PTPN13: variants seen among roughly 807,000 people sequenced by gnomAD.
The protein encoded by PTPN13 is tyrosine-protein phosphatase non-receptor type 13.
PTPN13 carries 191 observed loss-of-function variants against 284.0 expected under a neutral mutation model. The observed-to-expected ratio is 0.67, with a 90% CI of 0.60 to 0.76. PTPN13 has a LOEUF of 0.76. Ranked by LOEUF, PTPN13 falls within the 30% of genes least tolerant of loss-of-function variation. PTPN13 has a pLI of 0.00. For missense variants in PTPN13, 2,797 were observed against 2,939.9 expected (o/e 0.95, Z 1.12); for synonymous variants, 986 against 1,022.3 (o/e 0.96, Z 0.68).
chr4:86,763,165 G>A lies in PTPN13; in HGVS notation c.3992G>A (p.Ser1331Asn), dbSNP rs760649115. The A allele has an allele frequency of 6.2e-7, 1 of 1,611,918 alleles. No individual in the cohort carries two copies. The highest frequency in any genetic ancestry group is 2.2e-5 in the East Asian group (1 of 44,838). The change falls in exon 24 of 48, where the codon AGT (serine) becomes AAT (asparagine). Residue 1331 changes from serine to asparagine, a missense_variant. Coordinates refer to ENST00000411767, the MANE Select transcript of PTPN13 (RefSeq NM_080683.3). ...ATGGATGAAGCCACTTACTCCAGCA[G>A]TCAGGATCATCAAACACCAAAACAG... Reference protein sequence around the residue: ...SDMDEATYSSSQDHQTPKQES... With the variant: ...SDMDEATYSSNQDHQTPKQES...
chr4:86,695,836 G>T (rs1287327370), intron 6 of PTPN13, among the ~76,000 whole-genome samples: 3 of 151,916 alleles, frequency 2.0e-5, no homozygotes, highest in Non-Finnish European at 4.4e-5. Context: ...TTTAGTAACT[G>T]TAATGTTGTA....
Position 86,613,633 on chromosome 4 carries a change from C to CAAAAAAAAAAAAAAAAAAAAA in PTPN13, c.-6+18862_-6+18863insAAAAAAAAAAAAAAAAAAAAA, listed in dbSNP as rs544971012. Among the ~76,000 whole-genome samples, 125 of 61,436 alleles carry CAAAAAAAAAAAAAAAAAAAAA rather than the reference C, an allele frequency of 2.0e-3. 2 individuals are homozygous for CAAAAAAAAAAAAAAAAAAAAA. The highest frequency in any genetic ancestry group is 4.3e-3 in the African/African-American group (74 of 17,280). The allele number at this position is 61,436 out of a possible 152,430, so 40.3% of individuals were successfully genotyped here. A position where few individuals can be genotyped will look rare whatever the true frequency, so the allele number is the denominator to read the frequency against. ...TGGGCGACAAGGTGAGACTCCGTCT[C>CAAAAAAAAAAAAAAAAAAAAA]AAAAAAAAAAAAAAAAAAGAGTTTG... On this transcript the variant is annotated intron_variant, in intron 1 of 47. Transcript: ENST00000411767.
chr4:86,595,260 G>A (rs1002140416), intron 1 of PTPN13, among the ~76,000 whole-genome samples: 2 of 152,012 alleles, frequency 1.3e-5, no homozygotes, highest in Admixed American at 1.3e-4. Flanking sequence ...AAGGGCTCGA[G>A]AAGGGGGTGG....
intron 16 of PTPN13, among the ~76,000 whole-genome samples, chr4:86,743,485 A>G (rs906293165): frequency 6.6e-6 from 1 of 152,130 alleles, no homozygotes; most frequent in African/African-American, 2.4e-5. Flanking sequence ...GGGAAAAAAA[A>G]AATGTTCTCC....
chr4:86,665,274 T>G (rs1285389397), intron 2 of PTPN13, among the ~76,000 whole-genome samples: 1 of 152,146 alleles, frequency 6.6e-6, no homozygotes, highest in Non-Finnish European at 1.5e-5. Flanking sequence ...CATTAAGAAA[T>G]AAAAATATCT....
intron 43 of PTPN13, among the ~76,000 whole-genome samples, chr4:86,804,122 T>TG (rs1744386918): frequency 1.5e-5 from 2 of 135,398 alleles, no homozygotes; most frequent in African/African-American, 5.4e-5. Context: ...TAAAAATGTT[T>TG]AAAAAAAAAA....
chr4:86,642,613 C>T (rs1424395870), intron 2 of PTPN13, among the ~76,000 whole-genome samples: 7 of 151,662 alleles, frequency 4.6e-5, no homozygotes, highest in East Asian at 1.9e-4. Flanking sequence ...CCACCACACC[C>T]GGCTAATTTT....
At chr4:86,661,772 T>G (rs929214065) in intron 2 of PTPN13, among the ~76,000 whole-genome samples, 2 of 152,178 alleles carry the variant, frequency 1.3e-5, no homozygotes, top group Non-Finnish European at 1.5e-5. Flanking sequence ...TTCATCCAAT[T>G]CTCCAAAAAT....
chr4:86,814,219 A>G (rs2149403673), intron 47 of PTPN13, among the ~76,000 whole-genome samples: 1 of 151,124 alleles, frequency 6.6e-6, no homozygotes, highest in East Asian at 2.0e-4. Flanking sequence ...GTTGGCCAGG[A>G]TGGTCTCGAT....
In PTPN13 at chr4:86,772,837, A is replaced by G. The variant is rs774630672; in HGVS notation, c.5228A>G (p.Glu1743Gly). 2.5e-6 allele frequency: 4 copies of G among 1,613,556 alleles called. No individual in the cohort carries two copies. The highest frequency in any genetic ancestry group is 3.4e-6 in the Non-Finnish European group (4 of 1,179,620). ...GGGCAGAGTTATCAACCCCAATCAG[A>G]ATCTGCTTCCTCTAGTTCGATGGAT... is the stretch of plus-strand genomic sequence containing the variant. ...APGQSYQPQS[E>G]SASSSSMDKY... The change falls in exon 32 of 48, where the codon GAA (glutamate) becomes GGA (glycine). Residue 1743 changes from glutamate (E) to glycine (G), a missense_variant. Transcript: ENST00000411767.
At chr4:86,668,762 A>AT (rs776320959) in intron 2 of PTPN13, among the ~76,000 whole-genome samples, 4,764 of 112,254 alleles carry the variant, frequency 0.042, 172 homozygotes, top group Non-Finnish European at 0.052. Flanking sequence ...CGCCCAGCTA[A>AT]TTTTTTTTTT....
At chr4:86,622,729 A>G (rs1721398707) in intron 1 of PTPN13, among the ~76,000 whole-genome samples, 1 of 152,152 alleles carries the variant, frequency 6.6e-6, no homozygotes. Flanking sequence ...CTGTCCTTGG[A>G]TGTCTCTTCT....
intron 2 of PTPN13, among the ~76,000 whole-genome samples, chr4:86,645,728 C>A (rs1170045625): frequency 6.6e-6 from 1 of 152,056 alleles, no homozygotes; most frequent in African/African-American, 2.4e-5. Context: ...GTTCCTGTAT[C>A]GAGAGACTCA....
intron 28 of PTPN13, 101 bp from the exon 29 acceptor site, chr4:86,769,668 T>G (rs1456597636): frequency 3.6e-5 from 27 of 758,988 alleles, no homozygotes; most frequent in Non-Finnish European, 5.7e-5. Flanking sequence ...TACGGGAAAA[T>G]GGGCTTTTAA....
intron 2 of PTPN13, among the ~76,000 whole-genome samples, chr4:86,649,584 A>G (rs910406613): frequency 2.6e-5 from 4 of 152,090 alleles, no homozygotes; most frequent in South Asian, 2.1e-4. Context: ...TCCTTTGTCT[A>G]TATGTCTGTT....
intron 2 of PTPN13, among the ~76,000 whole-genome samples, chr4:86,637,645 A>C (rs1393059699): frequency 2.0e-5 from 3 of 150,570 alleles, no homozygotes; most frequent in Admixed American, 6.6e-5. Flanking sequence ...CATGCTAAAA[A>C]CTCTCAATAA....
intron 3 of PTPN13, among the ~76,000 whole-genome samples, chr4:86,679,527 C>T (rs1728654842): frequency 6.6e-6 from 1 of 152,238 alleles, no homozygotes; most frequent in African/African-American, 2.4e-5. Flanking sequence ...AGGTGTGACG[C>T]AGCCACCTAT....
At position 86,732,490 on chromosome 4, in the gene PTPN13, A is replaced by G; in HGVS notation, c.1683+16A>G. ...GTCTATTCTTGTAAGTAATAAAACC[A>G]ATTTGTGTCACTCTTAGAAAATAAT... is the stretch of plus-strand genomic sequence containing the variant. On this transcript the variant is annotated intron_variant, in intron 11 of 47. Coordinates refer to ENST00000411767, the MANE Select transcript of PTPN13 (RefSeq NM_080683.3). The G allele has an allele frequency of 6.3e-7, 1 of 1,594,576 alleles. No homozygotes were observed. The highest frequency in any genetic ancestry group is 8.6e-7 in the Non-Finnish European group (1 of 1,167,834).
intron 2 of PTPN13, among the ~76,000 whole-genome samples, chr4:86,642,449 C>CTTTTTTTTTTTT (rs1241682151): frequency 7.3e-5 from 2 of 27,454 alleles, no homozygotes; most frequent in African/African-American, 2.5e-4. Context: ...TCTTCTTCTT[C>CTTTTTTTTTTTT]TTTTTTTTTT....
Sources: allele counts gnomAD v4.1 joint callset (sites outside exome capture counted in the v4.1 genomes callset), GRCh38; gene constraint gnomAD v4.1.1; transcripts MANE v1.5; gene names NCBI Gene and HGNC (gene_info 2026-07-23, HGNC 2026-07-21).